Variants in EYA1 observed in about 807,000 individuals in gnomAD.
EYA1 encodes EYA transcriptional coactivator and phosphatase 1.
EYA1 carries 16 observed loss-of-function variants against 82.0 expected under a neutral mutation model. That is an observed-to-expected ratio of 0.20 (90% CI 0.13 to 0.30). The LOEUF (loss-of-function observed/expected upper bound fraction) is 0.30. Ranked by LOEUF, EYA1 falls within the 10% of genes least tolerant of loss-of-function variation. The pLI, the probability that EYA1 is intolerant of heterozygous loss-of-function variation, is 1.00. For missense variants in EYA1, 633 were observed against 730.7 expected, an observed-to-expected ratio of 0.87 and a Z score of 1.54; for synonymous variants, 261 against 264.4, an observed-to-expected ratio of 0.99 and a Z score of 0.12.
chr8:71,211,371 G>A, intron 16 of EYA1, 115 bp from the exon 17 acceptor site: 1 of 717,758 alleles, frequency 1.4e-6, no homozygotes, highest in Non-Finnish European at 2.5e-6. Context: ...TGCCCCACTA[G>A]TACCTCTAAG....
chr8:71,478,493 G>C (rs556571006), intron 2 of EYA1, among the ~76,000 whole-genome samples: 3 of 152,250 alleles, frequency 2.0e-5, no homozygotes, highest in Non-Finnish European at 4.4e-5. Flanking sequence ...TGTTATCCTT[G>C]GAGAACTTAT....
At chr8:71,476,853 AG>A (rs1809704817) in intron 2 of EYA1, among the ~76,000 whole-genome samples, 1 of 151,980 alleles carries the variant, frequency 6.6e-6, no homozygotes, top group South Asian at 2.1e-4. Context: ...AATACAAAAA[AG>A]TGTTGTACTG....
chr8:71,222,157 T>C (rs1307107042), intron 12 of EYA1, among the ~76,000 whole-genome samples: 1 of 152,176 alleles, frequency 6.6e-6, no homozygotes, highest in Non-Finnish European at 1.5e-5. Context: ...TGCCCCCCAG[T>C]TGAATTCTTT....
intron 6 of EYA1, 58 bp downstream of exon 6, chr8:71,321,676 A>G: frequency 1.3e-6 from 2 of 1,589,746 alleles, no homozygotes; most frequent in South Asian, 1.1e-5. Flanking sequence ...CCACTCAAAC[A>G]TGTTAATACA....
chr8:71,492,540 C>G (rs1300367105), intron 2 of EYA1, among the ~76,000 whole-genome samples: 1 of 151,488 alleles, frequency 6.6e-6, no homozygotes, highest in Non-Finnish European at 1.5e-5. Context: ...TCTCAGCTCA[C>G]TGCAAGCTCC....
intron 3 of EYA1, among the ~76,000 whole-genome samples, chr8:71,348,443 C>T (rs868266874): frequency 1.3e-5 from 2 of 152,324 alleles, no homozygotes; most frequent in Middle Eastern, 3.4e-3. Context: ...TACCAAAGTT[C>T]TGGCCCAACC....
At chr8:71,261,532 A>C (rs752216979) in intron 11 of EYA1, among the ~76,000 whole-genome samples, 1 of 152,218 alleles carries the variant, frequency 6.6e-6, no homozygotes, top group Non-Finnish European at 1.5e-5. Context: ...TACTGATTAG[A>C]TACGTGACAC....
At chr8:71,447,427 G>A (rs1806979797) in intron 2 of EYA1, among the ~76,000 whole-genome samples, 1 of 152,088 alleles carries the variant, frequency 6.6e-6, no homozygotes, top group South Asian at 2.1e-4. Flanking sequence ...ACTTCACAAT[G>A]ACTGACATTA....
intron 2 of EYA1, among the ~76,000 whole-genome samples, chr8:71,452,814 C>T (rs909449852): frequency 2.6e-5 from 4 of 152,022 alleles, no homozygotes; most frequent in South Asian, 2.1e-4. Context: ...CCACAAAGAT[C>T]GGGAAAAAAA....
At chr8:71,221,645 C>A (rs1249285171) in intron 12 of EYA1, among the ~76,000 whole-genome samples, 2 of 152,154 alleles carry the variant, frequency 1.3e-5, no homozygotes, top group Middle Eastern at 3.2e-3. Context: ...TCTTCGCCAC[C>A]CACTAGGAAT....
At chr8:71,412,649 A>T (rs980682114) in intron 2 of EYA1, among the ~76,000 whole-genome samples, 1 of 152,188 alleles carries the variant, frequency 6.6e-6, no homozygotes, top group Non-Finnish European at 1.5e-5. Flanking sequence ...TAATGGATAC[A>T]TAGAAATTTA....
chr8:71,412,771 C>A (rs1830676417), intron 2 of EYA1, among the ~76,000 whole-genome samples: 1 of 152,210 alleles, frequency 6.6e-6, no homozygotes, highest in Admixed American at 6.5e-5. Context: ...ACGTGGCCAA[C>A]ATCAAGGGCA....
intron 2 of EYA1, among the ~76,000 whole-genome samples, chr8:71,453,590 G>T (rs1319954860): frequency 2.0e-5 from 3 of 152,218 alleles, no homozygotes; most frequent in African/African-American, 7.2e-5. Flanking sequence ...AACTCTACAA[G>T]CCAGAAGAGA....
intron 2 of EYA1, among the ~76,000 whole-genome samples, chr8:71,477,415 T>C (rs1809745902): frequency 6.6e-6 from 1 of 152,102 alleles, no homozygotes; most frequent in Non-Finnish European, 1.5e-5. Flanking sequence ...TGGGTTTGTG[T>C]AGCCATTTTT....
chr8:71,295,313 T>C (rs188860656), intron 9 of EYA1, among the ~76,000 whole-genome samples: 1 of 152,274 alleles, frequency 6.6e-6, no homozygotes, highest in East Asian at 1.9e-4. Flanking sequence ...GGAGAAAATA[T>C]TGCAAAACAC....
In EYA1 at chr8:71,211,216, T is replaced by G; in HGVS notation, c.1638A>C (p.Gly546=). Residue 546 remains glycine (G), a synonymous_variant, in exon 17 of 18, where the codon GGA becomes GGC. Coordinates refer to ENST00000340726, the MANE Select transcript of EYA1 (RefSeq NM_000503.6). ...SCFERIIQRF[G]RKVVYVVIGD... ...CTATAACAACATACACCACTTTTCTTCCAAACCTTTGAATTATTCTCTCAA... is the reference window on the plus strand; with the variant it reads ...CTATAACAACATACACCACTTTTCTGCCAAACCTTTGAATTATTCTCTCAA... 1 of 1,613,612 alleles carries G rather than the reference T, an allele frequency of 6.2e-7. No individual in the cohort carries two copies. The highest frequency in any genetic ancestry group is 2.2e-5 in the East Asian group (1 of 44,862).
chr8:71,205,266 A>C (rs903793158), intron 17 of EYA1, among the ~76,000 whole-genome samples: 12 of 152,162 alleles, frequency 7.9e-5, no homozygotes, highest in African/African-American at 1.4e-4. Context: ...AAAATAATTT[A>C]TTAACAAGGC....
chr8:71,388,463 G>A (rs865865754), intron 2 of EYA1, among the ~76,000 whole-genome samples: 3 of 152,184 alleles, frequency 2.0e-5, no homozygotes, highest in Admixed American at 6.5e-5. Flanking sequence ...GGTTGTCTGT[G>A]AAGAACTTTA....
intron 2 of EYA1, among the ~76,000 whole-genome samples, chr8:71,413,371 C>T (rs1199445136): frequency 6.6e-6 from 1 of 152,184 alleles, no homozygotes; most frequent in Non-Finnish European, 1.5e-5. Context: ...CTTCCATATG[C>T]TCAGTATATT....
Sources: gnomAD v4.1 joint callset for allele counts (sites outside exome capture counted in the v4.1 genomes callset) on GRCh38, gnomAD v4.1.1 for gene constraint, MANE v1.5 for transcripts, NCBI Gene and HGNC (gene_info 2026-07-23, HGNC 2026-07-21) for gene names.